Variants in MAGI2 observed in about 807,000 individuals in gnomAD.
MAGI2 encodes membrane associated guanylate kinase, WW and PDZ domain containing 2.
In MAGI2, 35 loss-of-function variants were observed where a neutral mutation model predicts 133.3. The observed-to-expected ratio is 0.26, with a 90% confidence interval of 0.20 to 0.35. The LOEUF is 0.35. Ranked by LOEUF, MAGI2 falls within the 10% of genes least tolerant of loss-of-function variation. The pLI is 1.00. For synonymous variants in MAGI2, 729 were observed against 710.6 expected (o/e 1.03, Z -0.41); for missense variants, 1,636 against 1,863.4 (o/e 0.88, Z 2.25).
intron 10 of MAGI2, among the ~76,000 whole-genome samples, chr7:78,216,869 A>T (rs148612237): frequency 1.2e-4 from 19 of 152,334 alleles, no homozygotes; most frequent in African/African-American, 4.6e-4. Context: ...GAAGTCTGAG[A>T]TCAAGGTGTT....
chr7:79,451,253 C>T (rs372681440), intron 1 of MAGI2, among the ~76,000 whole-genome samples: 17 of 152,290 alleles, frequency 1.1e-4, no homozygotes, highest in African/African-American at 3.8e-4. Context: ...AATTTAACAA[C>T]GCTTAACTTT....
chr7:78,633,705 CAAAAAAA>C (rs36102006), intron 2 of MAGI2, among the ~76,000 whole-genome samples: 1 of 80,926 alleles, frequency 1.2e-5, no homozygotes, highest in East Asian at 4.8e-4. Flanking sequence ...GACTCCGTCT[CAAAAAAA>C]AAAAAAAAAA....
At position 78,134,761 on chromosome 7, in the gene MAGI2, C is replaced by T. The variant is rs903522064; in HGVS notation, c.3031+260G>A. ...CACAGGGAATGATTGAATAACCTGGCGTCTTGGAATTCACACTATTTAGCC... is the reference window on the plus strand; with the variant it reads ...CACAGGGAATGATTGAATAACCTGGTGTCTTGGAATTCACACTATTTAGCC... On this transcript the variant is annotated intron_variant, in intron 17 of 21. Transcript: ENST00000354212. The T allele has an allele frequency of 2.9e-5, 10 of 343,720 alleles. No individual in the cohort carries two copies. In the Admixed American group the frequency reaches 3.1e-4, roughly 11 times the overall value. The allele number at this position is 343,720 out of a possible 1,614,324, so 21.3% of individuals were successfully genotyped here.
intron 16 of MAGI2, among the ~76,000 whole-genome samples, chr7:78,154,275 T>C (rs1475258013): frequency 1.3e-5 from 2 of 152,246 alleles, no homozygotes; most frequent in African/African-American, 2.4e-5. Flanking sequence ...CAGATTGCAG[T>C]GGCCTTAGGG....
intron 1 of MAGI2, among the ~76,000 whole-genome samples, chr7:79,420,440 C>CT (rs532585630): frequency 1.4e-3 from 211 of 152,038 alleles, no homozygotes; most frequent in Admixed American, 2.4e-3. Flanking sequence ...GCTTGCCTTC[C>CT]TAACCATACT....
At chr7:78,405,790 T>A (rs1202845215) in intron 6 of MAGI2, among the ~76,000 whole-genome samples, 1 of 152,060 alleles carries the variant, frequency 6.6e-6, no homozygotes, top group Non-Finnish European at 1.5e-5. Flanking sequence ...ACACATGGAC[T>A]TTTTTGCATT....
rs564533589 is a variant in MAGI2 at position 78,221,003 on chromosome 7, G to A, written c.2048-19810C>T. On this transcript the variant is annotated intron_variant, in intron 10 of 21. Transcript: ENST00000354212. ...CCCCTCCCACCTCTCTAAGGCTACCGTACCTGTACTGAGCACACACGTTTC... is the reference window on the plus strand; with the variant it reads ...CCCCTCCCACCTCTCTAAGGCTACCATACCTGTACTGAGCACACACGTTTC... 3.9e-5 allele frequency among the ~76,000 whole-genome samples: 6 copies of A among 152,250 alleles called. No individual in the cohort carries two copies. The South Asian group carries it at 6.2e-4, about 16-fold the overall frequency.
intron 10 of MAGI2, among the ~76,000 whole-genome samples, chr7:78,237,477 G>C (rs1011019055): frequency 2.0e-5 from 3 of 152,018 alleles, no homozygotes; most frequent in African/African-American, 7.2e-5. Flanking sequence ...ATCTAAACAA[G>C]TAATTTGTCT....
chr7:78,773,561 GA>G (rs768843067), intron 2 of MAGI2, among the ~76,000 whole-genome samples: 1 of 152,182 alleles, frequency 6.6e-6, no homozygotes, highest in Admixed American at 6.5e-5. Context: ...GTGTTTTTCA[GA>G]AACTCAAAAC....
Position 78,019,312 on chromosome 7 carries a change from G to A in MAGI2, c.*3C>T. 1 of 1,566,436 alleles carries A rather than the reference G, an allele frequency of 6.4e-7. No homozygotes were observed. Among genetic ancestry groups the A allele is most frequent in the African/African-American group, 1.4e-5 (1 of 73,134 alleles). ...GCGGGCGGGTTGGCCGTGGCCGCGC[G>A]GCTCATCTGCTGGCGGCCGAGGCGC... On this transcript the variant is annotated 3_prime_UTR_variant, in exon 22 of 22. Transcript: ENST00000354212.
intron 2 of MAGI2, among the ~76,000 whole-genome samples, chr7:78,904,525 C>CCT (rs1430764538): frequency 7.4e-6 from 1 of 134,820 alleles, no homozygotes; most frequent in Non-Finnish European, 1.6e-5. Context: ...TAACGCAGTT[C>CCT]TTTTTTTTTT....
intron 1 of MAGI2, among the ~76,000 whole-genome samples, chr7:79,365,492 G>A (rs1181072314): frequency 1.3e-5 from 2 of 152,100 alleles, no homozygotes; most frequent in South Asian, 2.1e-4. Context: ...TTCAACAGGT[G>A]GATGGTTAAA....
intron 10 of MAGI2, among the ~76,000 whole-genome samples, chr7:78,207,280 C>A (rs2150782513): frequency 6.6e-6 from 1 of 152,104 alleles, no homozygotes; most frequent in East Asian, 1.9e-4. Flanking sequence ...CACATTCTCA[C>A]TACATTTCTG....
chr7:78,226,812 T>C (rs1198988351), intron 10 of MAGI2, among the ~76,000 whole-genome samples: 1 of 152,220 alleles, frequency 6.6e-6, no homozygotes, highest in African/African-American at 2.4e-5. Context: ...GTTAGGTAAA[T>C]GTACAGTCAG....
intron 1 of MAGI2, among the ~76,000 whole-genome samples, chr7:79,159,335 G>C (rs1053300817): frequency 6.6e-6 from 1 of 151,830 alleles, no homozygotes; most frequent in African/African-American, 2.4e-5. Context: ...CCAACATGGT[G>C]AAACCTTGTC....
intron 16 of MAGI2, chr7:78,158,422 T>C (rs887495866): frequency 6.6e-6 from 1 of 152,162 alleles, no homozygotes; most frequent in Non-Finnish European, 1.5e-5. Context: ...AAGACAAATA[T>C]GGGCTATGAC....
At chr7:78,561,851 G>A (rs1800441580) in intron 3 of MAGI2, among the ~76,000 whole-genome samples, 1 of 152,144 alleles carries the variant, frequency 6.6e-6, no homozygotes, top group South Asian at 2.1e-4. Flanking sequence ...AAAAGTAAGG[G>A]CACGAAGGTA....
At chr7:78,685,333 A>T (rs1449459215) in intron 2 of MAGI2, among the ~76,000 whole-genome samples, 2 of 152,096 alleles carry the variant, frequency 1.3e-5, no homozygotes, top group Non-Finnish European at 1.5e-5. Context: ...ATCATTCTCA[A>T]GTGTCCCTTA....
intron 4 of MAGI2, among the ~76,000 whole-genome samples, chr7:78,512,704 A>C (rs1795708532): frequency 6.6e-6 from 1 of 152,136 alleles, no homozygotes; most frequent in African/African-American, 2.4e-5. Flanking sequence ...CATCTCTTCT[A>C]TTCAGGGTCT....
Sources: allele counts gnomAD v4.1 joint callset (sites outside exome capture counted in the v4.1 genomes callset), GRCh38; gene constraint gnomAD v4.1.1; transcripts MANE v1.5; gene names NCBI Gene and HGNC (gene_info 2026-07-23, HGNC 2026-07-21).